The following LIN7A variants were observed in gnomAD, a reference collection of about 807,000 sequenced individuals.
The protein encoded by LIN7A is protein lin-7 homolog A.
A neutral mutation model predicts 29.8 loss-of-function variants in LIN7A; 25 were observed. That is an observed-to-expected ratio of 0.84 (90% CI 0.61 to 1.17). LIN7A has a LOEUF of 1.17. Among genes scored for constraint, LIN7A ranks in the 50% most tolerant of loss-of-function variants. LIN7A has a pLI of 0.00. For synonymous variants in LIN7A, 118 were observed against 107.5 expected (o/e 1.10, Z -0.60); for missense variants, 239 against 287.0 (o/e 0.83, Z 1.21).
intron 2 of LIN7A, among the ~76,000 whole-genome samples, chr12:80,860,733 A>T (rs971178733): frequency 2.0e-5 from 3 of 152,220 alleles, no homozygotes; most frequent in Non-Finnish European, 4.4e-5. Flanking sequence ...TCAGGCGTTC[A>T]TGCCTGTTGC....
At chr12:80,810,353 T>C (rs1052265128) in intron 5 of LIN7A, among the ~76,000 whole-genome samples, 1 of 151,924 alleles carries the variant, frequency 6.6e-6, no homozygotes, top group African/African-American at 2.4e-5. Flanking sequence ...AAAAATGACA[T>C]TTCCTGCTTT....
rs773221131 is a variant in LIN7A at position 80,845,772 on chromosome 12, T to G, written c.441A>C (p.Gly147=). 6.2e-7 allele frequency: 1 copy of G among 1,613,856 alleles called. No individual in the cohort carries two copies. Among genetic ancestry groups the G allele is most frequent in the Admixed American group, 1.7e-5 (1 of 59,970 alleles). ...GCAGCTGGTCTCCTCTTTTGAGGCC[T>G]CCGTGTCTTTCAGCCACCCCTCCAG... ...IIPGGVAERH[G]GLKRGDQLLS... The change falls in exon 4 of 6, where the codon GGA becomes GGC. Residue 147 remains glycine, a synonymous_variant. Coordinates refer to ENST00000552864, the MANE Select transcript of LIN7A (RefSeq NM_004664.4).
At chr12:80,852,131 T>C (rs1325395289) in intron 2 of LIN7A, among the ~76,000 whole-genome samples, 3 of 152,140 alleles carry the variant, frequency 2.0e-5, no homozygotes, top group African/African-American at 7.2e-5. Context: ...AGAAGGGCTG[T>C]TTTCAGTTTT....
rs56000415 is a variant in LIN7A at position 80,882,287 on chromosome 12, C to CTTTTTTTTTTTTTTTTTTTTTTTTTT, written c.201+6963_201+6964insAAAAAAAAAAAAAAAAAAAAAAAAAA. 1.0e-3 allele frequency among the ~76,000 whole-genome samples: 88 copies of CTTTTTTTTTTTTTTTTTTTTTTTTTT among 87,680 alleles called. 16 individuals are homozygous for CTTTTTTTTTTTTTTTTTTTTTTTTTT. Among genetic ancestry groups the CTTTTTTTTTTTTTTTTTTTTTTTTTT allele is most frequent in the Non-Finnish European group, 1.9e-3 (68 of 35,006 alleles). 57.5% of individuals were successfully genotyped at this position (87,680 alleles called of 152,430 possible). On this transcript the variant is annotated intron_variant, in intron 2 of 5. Transcript: ENST00000552864. The stretch of plus-strand genomic sequence containing the variant: ...ACAGTACTATCATTTTTCTTTCATT[C>CTTTTTTTTTTTTTTTTTTTTTTTTTT]TTTTTTTTTTTTTTTGAGACGGAGT...
chr12:80,936,902 G>A (rs1592965997), intron 1 of LIN7A: 2 of 152,368 alleles, frequency 1.3e-5, no homozygotes, highest in East Asian at 3.9e-4. Context: ...GAGGACACGA[G>A]AGGCTGGCGC....
intron 1 of LIN7A, among the ~76,000 whole-genome samples, chr12:80,903,586 A>T (rs1448210370): frequency 1.3e-5 from 2 of 152,008 alleles, no homozygotes; most frequent in Non-Finnish European, 2.9e-5. Flanking sequence ...CATTATCTTT[A>T]CCCAATTATT....
chr12:80,904,065 C>CTTT (rs1433845271), intron 1 of LIN7A, among the ~76,000 whole-genome samples: 9 of 151,994 alleles, frequency 5.9e-5, no homozygotes, highest in Non-Finnish European at 1.3e-4. Flanking sequence ...CATCACTAAG[C>CTTT]TTTTGTTTTT....
chr12:80,894,975 T>G (rs1274027828), intron 1 of LIN7A, among the ~76,000 whole-genome samples: 1 of 152,208 alleles, frequency 6.6e-6, no homozygotes, highest in Non-Finnish European at 1.5e-5. Context: ...CCAGCTGTGT[T>G]TGACTCCAGT....
intron 2 of LIN7A, among the ~76,000 whole-genome samples, chr12:80,853,104 A>G (rs1179810556): frequency 2.0e-5 from 3 of 152,144 alleles, no homozygotes; most frequent in Admixed American, 1.3e-4. Flanking sequence ...ATAACGAAGA[A>G]AAGCATTCTT....
intron 1 of LIN7A, among the ~76,000 whole-genome samples, chr12:80,894,510 A>T (rs1283928420): frequency 6.6e-6 from 1 of 152,128 alleles, no homozygotes; most frequent in Non-Finnish European, 1.5e-5. Context: ...AAATTTATGC[A>T]TTGCTTATTT....
intron 2 of LIN7A, among the ~76,000 whole-genome samples, chr12:80,881,829 A>G (rs529376496): frequency 1.3e-4 from 20 of 152,124 alleles, no homozygotes; most frequent in Non-Finnish European, 2.6e-4. Flanking sequence ...GGGTATTTCT[A>G]GTTATCCTTG....
intron 2 of LIN7A, among the ~76,000 whole-genome samples, chr12:80,855,269 A>G (rs989272016): frequency 6.6e-6 from 1 of 152,310 alleles, no homozygotes; most frequent in Non-Finnish European, 1.5e-5. Context: ...ATCTCAGCAC[A>G]TTATAGTGTG....
At chr12:80,925,923 T>C (rs540419643) in intron 1 of LIN7A, among the ~76,000 whole-genome samples, 19 of 152,350 alleles carry the variant, frequency 1.2e-4, no homozygotes, top group African/African-American at 4.6e-4. Flanking sequence ...TATCCATCTG[T>C]TCCATTCTCC....
At chr12:80,905,263 C>G (rs894735245) in intron 1 of LIN7A, among the ~76,000 whole-genome samples, 1 of 151,934 alleles carries the variant, frequency 6.6e-6, no homozygotes, top group Non-Finnish European at 1.5e-5. Flanking sequence ...GATCTCAGCT[C>G]ACTGCAACCT....
chr12:80,796,773 G>A lies in LIN7A; in HGVS notation c.*954C>T, dbSNP rs1235456592. On this transcript the variant is annotated 3_prime_UTR_variant, in exon 6 of 6. Transcript: ENST00000552864. ...GGCTTCTATGACAGCACATCAGTGT[G>A]AGTAGAGTTTAGATTTCTTCAGTGT... is the stretch of plus-strand genomic sequence containing the variant. The A allele has an allele frequency of 6.6e-6, 1 of 152,126 alleles. No homozygotes were observed. Among genetic ancestry groups the A allele is most frequent in the African/African-American group, 2.4e-5 (1 of 41,430 alleles). 9.4% of individuals were successfully genotyped at this position (152,126 alleles called of 1,614,324 possible).
intron 2 of LIN7A, among the ~76,000 whole-genome samples, chr12:80,888,465 A>G (rs574808162): frequency 1.3e-5 from 2 of 152,282 alleles, no homozygotes; most frequent in South Asian, 4.1e-4. Context: ...CTCTGTAGGT[A>G]GCCATTGGTT....
In LIN7A at chr12:80,820,630, T is replaced by TACACACAC. The variant is rs3072333; in HGVS notation, c.484-8955_484-8948dup. ...GATGGTTGTTGGAATGAAGATTAAA[T>TACACACAC]ACACACACACACACACACACACACA... On this transcript the variant is annotated intron_variant, in intron 4 of 5. Coordinates refer to ENST00000552864, the MANE Select transcript of LIN7A (RefSeq NM_004664.4). Among the ~76,000 whole-genome samples, 335 of 147,514 alleles carry TACACACAC rather than the reference T, an allele frequency of 2.3e-3. 1 individual carries two copies. The highest frequency in any genetic ancestry group is 0.021 in the Middle Eastern group (6 of 286).
chr12:80,835,260 C>G (rs1180367682), intron 4 of LIN7A, among the ~76,000 whole-genome samples: 1 of 152,100 alleles, frequency 6.6e-6, no homozygotes, highest in Non-Finnish European at 1.5e-5. Context: ...TAATATACAG[C>G]AACAATGCTG....
intron 1 of LIN7A, among the ~76,000 whole-genome samples, chr12:80,908,135 C>T (rs1366231670): frequency 2.0e-5 from 3 of 152,086 alleles, no homozygotes; most frequent in African/African-American, 7.2e-5. Context: ...CCCCACTGTA[C>T]TACTCAATAT....
Sources: allele counts gnomAD v4.1 joint callset (sites outside exome capture counted in the v4.1 genomes callset), GRCh38; gene constraint gnomAD v4.1.1; transcripts MANE v1.5; gene names NCBI Gene and HGNC (gene_info 2026-07-23, HGNC 2026-07-21).